Variants in COL27A1 observed in about 807,000 individuals in gnomAD.
The protein encoded by COL27A1 is collagen type XXVII alpha 1 chain.
COL27A1 carries 106 observed loss-of-function variants against 251.3 expected under a neutral mutation model. That is an observed-to-expected ratio of 0.42 (90% confidence interval 0.36 to 0.50). The LOEUF (loss-of-function observed/expected upper bound fraction) is 0.50. COL27A1 is among the 20% of genes least tolerant of loss of function. The pLI, the probability that COL27A1 is intolerant of heterozygous loss-of-function variation, is 0.00. For synonymous variants in COL27A1, 1,000 were observed against 986.3 expected, an observed-to-expected ratio of 1.01 and a Z score of -0.26; for missense variants, 2,325 against 2,522.8, an observed-to-expected ratio of 0.92 and a Z score of 1.68.
chr9:114,217,868 C>A, intron 12 of COL27A1: 3 of 467,680 alleles, frequency 6.4e-6, no homozygotes, highest in Non-Finnish European at 1.3e-5. Flanking sequence ...AATCCCAACA[C>A]TTTGGGAGGC....
At chr9:114,215,707 C>T (rs1322167538) in intron 12 of COL27A1, among the ~76,000 whole-genome samples, 1 of 151,932 alleles carries the variant, frequency 6.6e-6, no homozygotes, top group Non-Finnish European at 1.5e-5. Flanking sequence ...GGAGAATGTC[C>T]ACCTGGTAAG....
chr9:114,168,803 CAG>C lies in COL27A1; in HGVS notation c.1251_1252del (p.Arg417SerfsTer34), dbSNP rs1330961789. The C allele has an allele frequency of 6.2e-7, 1 of 1,614,074 alleles. No individual in the cohort carries two copies. Among genetic ancestry groups the C allele is most frequent in the Non-Finnish European group, 8.5e-7 (1 of 1,180,040 alleles). ...VPPTSRPVPA[R>X]VSRPAEKPIQ... is the part of the protein sequence containing the mutation. ...CACCTACTTCCCGTCCAGTTCCTGCCAGAGTCTCCCGTCCCGCAGAGAAGCCC... is the reference window on the plus strand; with the variant it reads ...CACCTACTTCCCGTCCAGTTCCTGCCAGTCTCCCGTCCCGCAGAGAAGCCC... On this transcript the variant is annotated frameshift_variant, in exon 3 of 61. Coordinates refer to ENST00000356083, the MANE Select transcript of COL27A1 (RefSeq NM_032888.4). LOFTEE classifies it high-confidence loss of function.
At chr9:114,256,100 A>G (rs551978358) in intron 27 of COL27A1, among the ~76,000 whole-genome samples, 2 of 152,326 alleles carry the variant, frequency 1.3e-5, no homozygotes, top group South Asian at 4.1e-4. Flanking sequence ...TAAAAGTGAC[A>G]TTTCTGGTGA....
At chr9:114,186,281 T>C (rs1487675840) in intron 5 of COL27A1, among the ~76,000 whole-genome samples, 1 of 152,240 alleles carries the variant, frequency 6.6e-6, no homozygotes, top group East Asian at 1.9e-4. Context: ...GCAGAGAAGC[T>C]AGGACCCTGA....
chr9:114,305,661 G>A (rs1049211051), intron 57 of COL27A1, among the ~76,000 whole-genome samples: 2 of 152,178 alleles, frequency 1.3e-5, no homozygotes, highest in South Asian at 2.1e-4. Flanking sequence ...TCCACACCAG[G>A]GGGAGGCACC....
chr9:114,169,355 C>T lies in COL27A1; in HGVS notation c.1800C>T (p.Ser600=). The part of the protein sequence containing the change: ...LVLAPAQFLS[S]SPRPTSSGYS... ...TGGCCCCGGCGCAATTCCTGTCCTC[C>T]AGCCCCCGGCCCACGAGCAGTGGCT... The change falls in exon 3 of 61, where the codon TCC becomes TCT. Residue 600 remains serine, a synonymous_variant. Coordinates refer to ENST00000356083, the MANE Select transcript of COL27A1 (RefSeq NM_032888.4). 6.2e-7 allele frequency: 1 copy of T among 1,612,418 alleles called. No homozygotes were observed.
chr9:114,296,753 G>C (rs1043984872), intron 49 of COL27A1, among the ~76,000 whole-genome samples: 2 of 152,116 alleles, frequency 1.3e-5, no homozygotes, highest in African/African-American at 4.8e-5. Context: ...GACTATACTT[G>C]AAGGTGCTTA....
At chr9:114,164,003 T>C (rs1026514620) in intron 2 of COL27A1, among the ~76,000 whole-genome samples, 2 of 152,190 alleles carry the variant, frequency 1.3e-5, no homozygotes, top group East Asian at 1.9e-4. Context: ...CTTGATGGGG[T>C]GCTGGATGTG....
chr9:114,240,328 C>G, intron 20 of COL27A1, 55 bp downstream of exon 20: 1 of 1,581,780 alleles, frequency 6.3e-7, no homozygotes. Context: ...TCTGCAGAAA[C>G]CACAGGGGCT....
At chr9:114,160,687 A>G (rs938527075) in intron 1 of COL27A1, among the ~76,000 whole-genome samples, 2 of 151,298 alleles carry the variant, frequency 1.3e-5, no homozygotes, top group African/African-American at 4.9e-5. Flanking sequence ...AAAAAATGAA[A>G]AAAAAAAAAA....
intron 22 of COL27A1, 64 bp from the exon 23 acceptor site, chr9:114,243,443 C>T: frequency 7.2e-7 from 1 of 1,387,916 alleles, no homozygotes; most frequent in East Asian, 2.3e-5. Context: ...GCCCTTGGAG[C>T]CCCTGGACCC....
intron 19 of COL27A1, among the ~76,000 whole-genome samples, chr9:114,238,294 C>T (rs1354636894): frequency 2.0e-5 from 3 of 152,212 alleles, no homozygotes; most frequent in East Asian, 3.9e-4. Context: ...ATGATCAACT[C>T]GGAATTCACA....
Position 114,155,882 on chromosome 9 carries a change from G to T in COL27A1, c.-69G>T. The T allele has an allele frequency of 8.9e-7, 1 of 1,121,744 alleles. No individual in the cohort carries two copies. Among genetic ancestry groups the T allele is most frequent in the African/African-American group, 1.7e-5 (1 of 60,558 alleles). 69.5% of individuals were successfully genotyped at this position (1,121,744 alleles called of 1,614,324 possible). On this transcript the variant is annotated 5_prime_UTR_variant, in exon 1 of 61. Coordinates refer to ENST00000356083, the MANE Select transcript of COL27A1 (RefSeq NM_032888.4). The surrounding 1 kb of genome is among the most constrained non-coding windows in gnomAD (Gnocchi z 5.5). ...GCCGGCCTGGCGCGGCGGGGCGGGG[G>T]GCTGGCGGCCCCATGGGGCGCGCCC...
intron 56 of COL27A1, among the ~76,000 whole-genome samples, chr9:114,303,837 C>T (rs576101555): frequency 1.5e-3 from 235 of 152,274 alleles, no homozygotes; most frequent in African/African-American, 5.2e-3. Context: ...TATTAAAGTG[C>T]GAGCCAAAGG....
At chr9:114,243,395 G>T (rs1406772218) in intron 22 of COL27A1, 112 bp from the exon 23 acceptor site, 3 of 837,990 alleles carry the variant, frequency 3.6e-6, no homozygotes, top group East Asian at 2.6e-5. Context: ...GTCCACCAGG[G>T]TATGTGGCTC....
intron 8 of COL27A1, 40 bp from the exon 9 acceptor site, chr9:114,205,719 G>A: frequency 6.3e-7 from 1 of 1,593,148 alleles, no homozygotes; most frequent in Non-Finnish European, 8.6e-7. Flanking sequence ...AGCTGGGCAG[G>A]GTCTTTCTTT....
intron 37 of COL27A1, 88 bp downstream of exon 37, chr9:114,275,856 T>C (rs1346046885): frequency 2.5e-6 from 2 of 810,962 alleles, no homozygotes; most frequent in African/African-American, 3.5e-5. Context: ...GGAGGGCTTT[T>C]GGTCGTGCCA....
rs1276939972 is a variant in COL27A1 at position 114,210,839 on chromosome 9, G to A, written c.2323-143G>A. 8.1e-6 allele frequency: 6 copies of A among 738,434 alleles called. No individual in the cohort carries two copies. The East Asian group carries it at 1.6e-4, about 19-fold the overall frequency. 45.7% of individuals were successfully genotyped at this position (738,434 alleles called of 1,614,324 possible). On this transcript the variant is annotated intron_variant, in intron 11 of 60. Transcript: ENST00000356083. ...ACCCTGCCATCCGTCTGATGTGCAT[G>A]TCACTGGGGCCGCCACGCAAGTGGC...
In COL27A1 at chr9:114,209,397, G is replaced by A. The variant is rs183792261; in HGVS notation, c.2269-278G>A. On this transcript the variant is annotated intron_variant, in intron 10 of 60. Coordinates refer to ENST00000356083, the MANE Select transcript of COL27A1 (RefSeq NM_032888.4). Reference sequence around the variant, plus strand: ...CTTCTGCAGGTCCTGGAGCCCTGGCGTGGGGCGGGCCTCCTGCCGGCGAGC... The same window carrying A: ...CTTCTGCAGGTCCTGGAGCCCTGGCATGGGGCGGGCCTCCTGCCGGCGAGC... 53 of 721,816 alleles carry A rather than the reference G, an allele frequency of 7.3e-5. No homozygotes were observed. The East Asian group carries it at 1.2e-3, about 16-fold the overall frequency. 44.7% of individuals were successfully genotyped at this position (721,816 alleles called of 1,614,324 possible). A position where few individuals can be genotyped will look rare whatever the true frequency, so the allele number is the denominator to read the frequency against.
Sources: gnomAD v4.1 joint callset for allele counts (sites outside exome capture counted in the v4.1 genomes callset) on GRCh38, gnomAD v4.1.1 for gene constraint, Gnocchi (gnomAD v3.1) non-coding constraint, MANE v1.5 for transcripts, NCBI Gene and HGNC (gene_info 2026-07-23, HGNC 2026-07-21) for gene names.